Variants in EIF2S1 observed in about 807,000 individuals in gnomAD.
The protein encoded by EIF2S1 is eukaryotic translation initiation factor 2 subunit 1.
Under a neutral mutation model 33.5 loss-of-function variants are expected in EIF2S1, and 5 were observed. The ratio of observed to expected loss-of-function variants is 0.15; its 90% CI spans 0.08 to 0.31. The LOEUF (loss-of-function observed/expected upper bound fraction) is 0.31. Among genes scored for constraint, EIF2S1 ranks in the 10% least tolerant of loss-of-function variants. The pLI is 1.00. For synonymous variants in EIF2S1, 99 were observed against 127.5 expected, an observed-to-expected ratio of 0.78 and a Z score of 1.51; for missense variants, 191 against 384.6, an observed-to-expected ratio of 0.50 and a Z score of 4.21.
At chr14:67,368,759 G>A (rs1245953412) in intron 2 of EIF2S1, among the ~76,000 whole-genome samples, 3 of 152,290 alleles carry the variant, frequency 2.0e-5, no homozygotes, top group South Asian at 4.1e-4. Flanking sequence ...GCAGTGGTCT[G>A]TGCTTGTAGT....
chr14:67,376,004 T>A (rs1391977618), intron 3 of EIF2S1, among the ~76,000 whole-genome samples: 1 of 152,186 alleles, frequency 6.6e-6, no homozygotes, highest in Non-Finnish European at 1.5e-5. Context: ...CCCTGTTAAT[T>A]TTAGGAGGTA....
At position 67,381,988 on chromosome 14, in the gene EIF2S1, T is replaced by C. The variant is rs545915272; in HGVS notation, c.678+298T>C. ...TGTGCCCAAAATACTGAGAGCACTT[T>C]AAAAAAGAGTAACACTTTCTTCTAT... On this transcript the variant is annotated intron_variant, in intron 6 of 7. Coordinates refer to ENST00000256383, the MANE Select transcript of EIF2S1 (RefSeq NM_004094.5). Among the ~76,000 whole-genome samples the C allele has an allele frequency of 1.0e-3, 153 of 152,206 alleles. 1 individual carries two copies. Among genetic ancestry groups the C allele is most frequent in the Non-Finnish European group, 2.0e-3 (139 of 67,980 alleles).
chr14:67,366,900 A>G lies in EIF2S1; in HGVS notation c.241+1892A>G, dbSNP rs536317858. Among the ~76,000 whole-genome samples, 5 of 152,278 alleles carry G rather than the reference A, an allele frequency of 3.3e-5. No homozygotes were observed. The South Asian group carries it at 8.3e-4, about 25-fold the overall frequency. On this transcript the variant is annotated intron_variant, in intron 2 of 7. Coordinates refer to ENST00000256383, the MANE Select transcript of EIF2S1 (RefSeq NM_004094.5). The stretch of plus-strand genomic sequence containing the variant: ...CTAAGTACATGCTGAAGACAGCTTC[A>G]AGCCAGGCAGCTAAGGTTCTAGCAG...
intron 2 of EIF2S1, among the ~76,000 whole-genome samples, 175 bp downstream of exon 2, chr14:67,365,183 C>G (rs991453353): frequency 6.6e-6 from 1 of 152,100 alleles, no homozygotes; most frequent in Non-Finnish European, 1.5e-5. Flanking sequence ...AGCAAGATCT[C>G]TTAATAGTAG....
chr14:67,362,543 G>C (rs2085750019), intron 1 of EIF2S1, among the ~76,000 whole-genome samples: 1 of 152,124 alleles, frequency 6.6e-6, no homozygotes, highest in Non-Finnish European at 1.5e-5. Context: ...ACAGTTCAAA[G>C]GATGTTATCT....
intron 2 of EIF2S1, among the ~76,000 whole-genome samples, chr14:67,367,519 A>G (rs1267669241): frequency 6.6e-6 from 1 of 152,164 alleles, no homozygotes; most frequent in Non-Finnish European, 1.5e-5. Flanking sequence ...GTGAGCCACC[A>G]CGCCCCACCC....
chr14:67,370,464 C>G (rs1289153314), intron 2 of EIF2S1, among the ~76,000 whole-genome samples: 1 of 151,692 alleles, frequency 6.6e-6, no homozygotes, highest in Non-Finnish European at 1.5e-5. Flanking sequence ...ATTGATAAAC[C>G]CCTAGTTAGG....
intron 1 of EIF2S1, among the ~76,000 whole-genome samples, chr14:67,362,689 AAGAT>A (rs1023752607): frequency 6.6e-6 from 1 of 152,176 alleles, no homozygotes; most frequent in Non-Finnish European, 1.5e-5. Flanking sequence ...TGCTGTGAAA[AAGAT>A]AAAGAGGTGA....
chr14:67,360,454 C>T lies in EIF2S1; in HGVS notation c.-4C>T. ...CAGTGCGGGAATCACACACATACCTCAGGTGACTAATCCCAAGCTCGGTTT... is the reference window on the plus strand; with the variant it reads ...CAGTGCGGGAATCACACACATACCTTAGGTGACTAATCCCAAGCTCGGTTT... On this transcript the variant is annotated splice_region_variant and 5_prime_UTR_variant, in exon 1 of 8. Transcript: ENST00000256383. 2.6e-6 allele frequency: 1 copy of T among 379,738 alleles called. No homozygotes were observed. The highest frequency in any genetic ancestry group is 2.1e-5 in the African/African-American group (1 of 48,306). 23.5% of individuals were successfully genotyped at this position (379,738 alleles called of 1,614,324 possible).
intron 2 of EIF2S1, 43 bp downstream of exon 2, chr14:67,365,051 A>G (rs1272327041): frequency 2.6e-6 from 4 of 1,527,834 alleles, no homozygotes; most frequent in Admixed American, 4.3e-5. Flanking sequence ...CAGATTTAAA[A>G]TGGTTTATTT....
chr14:67,373,842 AGTGTGT>A lies in EIF2S1; in HGVS notation c.242-599_242-594del, dbSNP rs35163593. On this transcript the variant is annotated intron_variant, in intron 2 of 7. Coordinates refer to ENST00000256383, the MANE Select transcript of EIF2S1 (RefSeq NM_004094.5). ...TAGATTAGATAGTTTTAATTTGTTC[AGTGTGT>A]GTGTGTGTGTGTGTGTGTGTGTGTG... Among the ~76,000 whole-genome samples the A allele has an allele frequency of 1.4e-3, 197 of 145,778 alleles. 4 individuals carry two copies. The highest frequency in any genetic ancestry group is 3.4e-3 in the East Asian group (17 of 4,958).
At chr14:67,360,953 A>G (rs959357876) in intron 1 of EIF2S1, among the ~76,000 whole-genome samples, 1 of 152,216 alleles carries the variant, frequency 6.6e-6, no homozygotes, top group African/African-American at 2.4e-5. Flanking sequence ...CGTGTTGGAA[A>G]GAGCGGGGTC....
chr14:67,360,451 C>G lies in EIF2S1; in HGVS notation c.-7C>G. 5.2e-6 allele frequency: 2 copies of G among 380,968 alleles called. No individual in the cohort carries two copies. Among genetic ancestry groups the G allele is most frequent in the Non-Finnish European group, 9.3e-6 (2 of 215,486 alleles). The allele number at this position is 380,968 out of a possible 1,614,324, so 23.6% of individuals were successfully genotyped here. On this transcript the variant is annotated 5_prime_UTR_variant, in exon 1 of 8. Transcript: ENST00000256383. ...CTCCAGTGCGGGAATCACACACATACCTCAGGTGACTAATCCCAAGCTCGG... is the reference window on the plus strand; with the variant it reads ...CTCCAGTGCGGGAATCACACACATAGCTCAGGTGACTAATCCCAAGCTCGG...
intron 2 of EIF2S1, among the ~76,000 whole-genome samples, chr14:67,371,050 A>T (rs2085817455): frequency 6.6e-6 from 1 of 152,136 alleles, no homozygotes; most frequent in Admixed American, 6.5e-5. Flanking sequence ...TCTAGGCCAG[A>T]TGGTTAAATT....
chr14:67,372,438 G>A (rs2085828677), intron 2 of EIF2S1, among the ~76,000 whole-genome samples: 1 of 152,130 alleles, frequency 6.6e-6, no homozygotes, highest in South Asian at 2.1e-4. Flanking sequence ...TGATTAATTG[G>A]ACCTTATCAA....
In EIF2S1 at chr14:67,370,672, A is replaced by G. The variant is rs145010397; in HGVS notation, c.242-3796A>G. ...TGAAACTGACCAATATAAAATAGAAATTTTGAGTGTCCTATATGTTAGAGA... is the reference window on the plus strand; with the variant it reads ...TGAAACTGACCAATATAAAATAGAAGTTTTGAGTGTCCTATATGTTAGAGA... On this transcript the variant is annotated intron_variant, in intron 2 of 7. Coordinates refer to ENST00000256383, the MANE Select transcript of EIF2S1 (RefSeq NM_004094.5). Among the ~76,000 whole-genome samples, 308 of 152,318 alleles carry G rather than the reference A, an allele frequency of 2.0e-3. 1 individual carries two copies. Among genetic ancestry groups the G allele is most frequent in the African/African-American group, 7.1e-3 (295 of 41,572 alleles).
chr14:67,382,910 T>C lies in EIF2S1; in HGVS notation c.822+320T>C, dbSNP rs1280341972. ...AAGTGTGTGTACGTGCGTGCGTGCGTGTGTGTGTGTGTGTGTGTTATGGTT... is the reference window on the plus strand; with the variant it reads ...AAGTGTGTGTACGTGCGTGCGTGCGCGTGTGTGTGTGTGTGTGTTATGGTT... On this transcript the variant is annotated intron_variant, in intron 7 of 7. Transcript: ENST00000256383. 4.1e-5 allele frequency among the ~76,000 whole-genome samples: 6 copies of C among 147,246 alleles called. No homozygotes were observed. In the East Asian group the frequency reaches 1.2e-3, roughly 29 times the overall value.
intron 2 of EIF2S1, among the ~76,000 whole-genome samples, chr14:67,367,555 T>G (rs1490741374): frequency 2.0e-5 from 3 of 152,230 alleles, no homozygotes; most frequent in African/African-American, 7.2e-5. Context: ...GTGCTAAGTG[T>G]TCTACACTTG....
chr14:67,381,834 G>A, intron 6 of EIF2S1, 144 bp downstream of exon 6: 2 of 565,372 alleles, frequency 3.5e-6, no homozygotes, highest in East Asian at 2.8e-5. Context: ...GTGGTTCTTG[G>A]TAATATTTCT....
Sources: allele counts gnomAD v4.1 joint callset (sites outside exome capture counted in the v4.1 genomes callset), GRCh38; gene constraint gnomAD v4.1.1; transcripts MANE v1.5; gene names NCBI Gene and HGNC (gene_info 2026-07-23, HGNC 2026-07-21).